The following PLCG2 variants were observed in gnomAD, a reference collection of about 807,000 sequenced individuals.
PLCG2 encodes 1-phosphatidylinositol 4,5-bisphosphate phosphodiesterase gamma-2.
Under a neutral mutation model 175.6 loss-of-function variants are expected in PLCG2, and 69 were observed. That is an observed-to-expected ratio of 0.39 (90% CI 0.32 to 0.48). The LOEUF (loss-of-function observed/expected upper bound fraction) is 0.48, where lower values mean the gene tolerates loss of function less well. Ranked by LOEUF, PLCG2 falls within the 20% of genes least tolerant of loss-of-function variation. The probability of loss-of-function intolerance (pLI) is 0.91; values close to 1 mark genes in which losing one functional copy is unlikely to be tolerated. For missense variants in PLCG2, 1,798 were observed against 1,650.9 expected, an observed-to-expected ratio of 1.09 and a Z score of -1.54; for synonymous variants, 827 against 624.0, an observed-to-expected ratio of 1.33 and a Z score of -4.85.
In PLCG2 at chr16:81,893,805, C is replaced by G. The variant is rs1419309754; in HGVS notation, c.1072+11C>G. On this transcript the variant is annotated intron_variant, in intron 12 of 32. Transcript: ENST00000564138. ...GTCGCTGCATTGAACGTGAGTAGCT[C>G]CTTCTTGGTGGAGGTCAGGCTCGCA... 6.3e-7 allele frequency: 1 copy of G among 1,580,520 alleles called. No individual in the cohort carries two copies. The highest frequency in any genetic ancestry group is 2.2e-5 in the East Asian group (1 of 44,672).
Position 81,946,176 on chromosome 16 carries a change from A to T in PLCG2, c.3483A>T (p.Gly1161=), listed in dbSNP as rs1409179625. The T allele has an allele frequency of 6.2e-7, 1 of 1,612,792 alleles. No homozygotes were observed. Among genetic ancestry groups the T allele is most frequent in the Non-Finnish European group, 8.5e-7 (1 of 1,178,996 alleles). ...ATYPIKAVKS[G]FRSVPLKNGY... ...ATTTTCCTCCTTGTTCTGCTTCAGG[A>T]TTCAGGTCCGTTCCTCTGAAGAATG... is the stretch of plus-strand genomic sequence containing the variant. The change falls in exon 31 of 33, where the codon GGA becomes GGT. Residue 1161 remains glycine (G), a splice_region_variant and synonymous_variant. Coordinates refer to ENST00000564138, the MANE Select transcript of PLCG2 (RefSeq NM_002661.5).
chr16:81,857,077 A>G (rs12932333), intron 3 of PLCG2, among the ~76,000 whole-genome samples: 46,717 of 152,006 alleles, frequency 0.31, 7,793 homozygotes, highest in South Asian at 0.38. Context: ...AAATAAATCT[A>G]TATTACTTTA....
At chr16:81,791,385 A>T (rs1179505536) in intron 2 of PLCG2, among the ~76,000 whole-genome samples, 1 of 152,052 alleles carries the variant, frequency 6.6e-6, no homozygotes, top group African/African-American at 2.4e-5. Context: ...GTGTCATGTA[A>T]TATAAACAAG....
chr16:81,767,772 C>T (rs1422918129), intron 2 of PLCG2: 1 of 152,184 alleles, frequency 6.6e-6, no homozygotes, highest in Non-Finnish European at 1.5e-5. Context: ...CACTTCTTCC[C>T]ACTCCAGCCC....
chr16:81,950,346 G>T (rs1388866427), intron 31 of PLCG2, among the ~76,000 whole-genome samples: 1 of 152,140 alleles, frequency 6.6e-6, no homozygotes, highest in Non-Finnish European at 1.5e-5. Flanking sequence ...AACAATATGT[G>T]ATGATAAAAT....
chr16:81,907,090 A>AT (rs1162122428), intron 15 of PLCG2, among the ~76,000 whole-genome samples: 1 of 151,782 alleles, frequency 6.6e-6, no homozygotes. Flanking sequence ...ATGTATACAT[A>AT]TGTAAGAAAC....
chr16:81,941,225 T>C lies in PLCG2; in HGVS notation c.3481+1166T>C, dbSNP rs142420181. 1.1e-4 allele frequency among the ~76,000 whole-genome samples: 16 copies of C among 152,298 alleles called. No homozygotes were observed. The East Asian group carries it at 2.9e-3, about 28-fold the overall frequency. On this transcript the variant is annotated intron_variant, in intron 30 of 32. Transcript: ENST00000564138. ...GAGCCCAGTTTCTGAGCAGCAGGCA[T>C]GCTAGAAAATCCAGGTGCTGGCCGG... is the stretch of plus-strand genomic sequence containing the variant.
At chr16:81,769,745 G>A (rs958588273) in intron 2 of PLCG2, among the ~76,000 whole-genome samples, 19 of 144,508 alleles carry the variant, frequency 1.3e-4, no homozygotes, top group African/African-American at 4.6e-4. Context: ...GCGTGAACCC[G>A]GGAGGCGGAG....
chr16:81,853,351 CA>C (rs527905199), intron 2 of PLCG2, among the ~76,000 whole-genome samples: 2,471 of 148,840 alleles, frequency 0.017, 29 homozygotes, highest in South Asian at 0.034. Context: ...AACAAAACAA[CA>C]AAAAAAAACC....
chr16:81,934,647 G>T, intron 26 of PLCG2, 116 bp downstream of exon 26: 1 of 701,754 alleles, frequency 1.4e-6, no homozygotes, highest in Non-Finnish European at 2.5e-6. Flanking sequence ...ACTACTCCCA[G>T]TAGATGGCCC....
chr16:81,880,975 G>C (rs201944343), intron 8 of PLCG2, 22 bp downstream of exon 8: 37 of 1,613,134 alleles, frequency 2.3e-5, no homozygotes, highest in Non-Finnish European at 2.9e-5. Flanking sequence ...CTTGTGTGTC[G>C]TTCGGGGCGG....
intron 2 of PLCG2, among the ~76,000 whole-genome samples, chr16:81,825,755 A>G (rs1018866860): frequency 2.0e-5 from 3 of 152,172 alleles, no homozygotes; most frequent in Non-Finnish European, 4.4e-5. Context: ...TCCTTGACCC[A>G]TTCGGTAAAT....
At chr16:81,883,395 G>A (rs1908189044) in intron 9 of PLCG2, 54 bp downstream of exon 9, 1 of 1,455,906 alleles carries the variant, frequency 6.9e-7, no homozygotes, top group African/African-American at 1.4e-5. Flanking sequence ...TGCTGCTGGG[G>A]ACTAGTCTCA....
At chr16:81,850,517 A>G (rs1421158310) in intron 2 of PLCG2, among the ~76,000 whole-genome samples, 1 of 152,154 alleles carries the variant, frequency 6.6e-6, no homozygotes, top group African/African-American at 2.4e-5. Flanking sequence ...TTGGGCTCTC[A>G]GTGTGATAGA....
chr16:81,960,128 C>G lies in PLCG2; in HGVS notation c.*2130C>G, dbSNP rs112743678. On this transcript the variant is annotated 3_prime_UTR_variant, in exon 33 of 33. Transcript: ENST00000564138. ...TGTCTCCTTCTCCTGGTGCTACAAC[C>G]GGAATCCACCATGAGAGAGTACTTT... The G allele has an allele frequency of 4.6e-6, 1 of 219,316 alleles. No individual in the cohort carries two copies. Among genetic ancestry groups the G allele is most frequent in the East Asian group, 6.7e-5 (1 of 14,944 alleles). The allele number at this position is 219,316 out of a possible 1,614,324, so 13.6% of individuals were successfully genotyped here. A position where few individuals can be genotyped will look rare whatever the true frequency, so the allele number is the denominator to read the frequency against.
chr16:81,806,644 T>G (rs1904282525), intron 2 of PLCG2, among the ~76,000 whole-genome samples: 1 of 151,944 alleles, frequency 6.6e-6, no homozygotes, highest in Admixed American at 6.6e-5. Context: ...AAGTTGTAAC[T>G]GAGTAAATTT....
intron 14 of PLCG2, among the ~76,000 whole-genome samples, chr16:81,901,050 G>C (rs1161282608): frequency 6.6e-6 from 1 of 152,264 alleles, no homozygotes; most frequent in Non-Finnish European, 1.5e-5. Flanking sequence ...AAGGCGTGCA[G>C]AATGCGTGCA....
chr16:81,852,596 T>C (rs1477183449), intron 2 of PLCG2, among the ~76,000 whole-genome samples: 1 of 152,174 alleles, frequency 6.6e-6, no homozygotes, highest in African/African-American at 2.4e-5. Flanking sequence ...TGGTAGGTTT[T>C]GACCAGGAGT....
At position 81,801,923 on chromosome 16, in the gene PLCG2, C is replaced by T. The variant is rs559101525; in HGVS notation, c.193+15741C>T. ...CTCGAACTCCTGACCACAAGTGATCCACCCACCTCAGCCTCCCAAAGTGTT... is the reference window on the plus strand; with the variant it reads ...CTCGAACTCCTGACCACAAGTGATCTACCCACCTCAGCCTCCCAAAGTGTT... On this transcript the variant is annotated intron_variant, in intron 2 of 32. Coordinates refer to ENST00000564138, the MANE Select transcript of PLCG2 (RefSeq NM_002661.5). Among the ~76,000 whole-genome samples, 3 of 151,964 alleles carry T rather than the reference C, an allele frequency of 2.0e-5. No individual in the cohort carries two copies. The South Asian group carries it at 6.2e-4, about 32-fold the overall frequency.
Sources: allele counts gnomAD v4.1 joint callset (sites outside exome capture counted in the v4.1 genomes callset), GRCh38; gene constraint gnomAD v4.1.1; transcripts MANE v1.5; gene names NCBI Gene and HGNC (gene_info 2026-07-23, HGNC 2026-07-21).